The following GRK2 variants were observed in gnomAD, a reference collection of about 807,000 sequenced individuals.
GRK2 encodes the protein adrenergic beta receptor kinase 1.
In GRK2, 23 loss-of-function variants were observed where a neutral mutation model predicts 97.8. The observed-to-expected ratio is 0.24, with a 90% CI of 0.17 to 0.33. GRK2 has a LOEUF of 0.33. Among genes scored for constraint, GRK2 ranks in the 10% least tolerant of loss-of-function variants. GRK2 has a pLI of 1.00. For synonymous variants in GRK2, 425 were observed against 381.7 expected, an observed-to-expected ratio of 1.11 and a Z score of -1.32; for missense variants, 633 against 956.9, an observed-to-expected ratio of 0.66 and a Z score of 4.47.
intron 1 of GRK2, among the ~76,000 whole-genome samples, chr11:67,270,446 G>C (rs1185567331): frequency 2.0e-5 from 3 of 151,632 alleles, no homozygotes; most frequent in Non-Finnish European, 4.4e-5. Flanking sequence ...TGTCTCCCCA[G>C]ACCCTGCCCC....
Position 67,280,789 on chromosome 11 carries a change from T to C in GRK2, c.555+6T>C. The C allele has an allele frequency of 1.2e-6, 2 of 1,613,768 alleles. No homozygotes were observed. Among genetic ancestry groups the C allele is most frequent in the Non-Finnish European group, 1.7e-6 (2 of 1,179,906 alleles). On this transcript the variant is annotated splice_donor_region_variant and intron_variant, in intron 7 of 20. Transcript: ENST00000308595. ...ATGTGGAGCTCAACATCCACGTGAGTGGGCTTGGGTGGGGCATGGAAAGCC... is the reference window on the plus strand; with the variant it reads ...ATGTGGAGCTCAACATCCACGTGAGCGGGCTTGGGTGGGGCATGGAAAGCC...
rs771088820 is a variant in GRK2, at chr11:67,266,651, A to AGCGGAG, written c.-45_-44insAGGCGG. The AGCGGAG allele has an allele frequency of 2.4e-6, 2 of 837,278 alleles. No individual in the cohort carries two copies. Among genetic ancestry groups the AGCGGAG allele is most frequent in the African/African-American group, 3.9e-5 (2 of 50,926 alleles). The allele number at this position is 837,278 out of a possible 1,614,324, so 51.9% of individuals were successfully genotyped here. A position where few individuals can be genotyped will look rare whatever the true frequency, so the allele number is the denominator to read the frequency against. ...CCGGGCCGAGCGCCGAGCGAGCAGG[A>AGCGGAG]GCGGCGGCGGCGGCGGCGGCGGCGG... On this transcript the variant is annotated 5_prime_UTR_variant, in exon 1 of 21. Transcript: ENST00000308595.
chr11:67,284,558 G>A (rs892327696), intron 18 of GRK2, 185 bp downstream of exon 18: 13 of 752,530 alleles, frequency 1.7e-5, no homozygotes, highest in African/African-American at 5.3e-5. Flanking sequence ...GCCAAGGAGC[G>A]CAGATCACTT....
At position 67,282,468 on chromosome 11, in the gene GRK2, G is replaced by C; in HGVS notation, c.1086G>C (p.Leu362=). 6.2e-7 allele frequency: 1 copy of C among 1,613,734 alleles called. No homozygotes were observed. Residue 362 remains leucine, a synonymous_variant, in exon 13 of 21, where the codon CTG becomes CTC. Transcript: ENST00000308595. This position sits in a 1 kb window ranked among gnomAD's most constrained non-coding sequence, Gnocchi z 6.9. ...GTHGYMAPEV[L]QKGVAYDSSA... The stretch of plus-strand genomic sequence containing the variant: ...ACGGGTACATGGCTCCGGAGGTCCT[G>C]CAGAAGGGCGTGGCCTACGACAGCA...
chr11:67,285,061 C>T lies in GRK2; in HGVS notation c.1792-14C>T, dbSNP rs779385096. 7 of 1,612,816 alleles carry T rather than the reference C, an allele frequency of 4.3e-6. No homozygotes were observed. Among genetic ancestry groups the T allele is most frequent in the Non-Finnish European group, 5.9e-6 (7 of 1,179,842 alleles). On this transcript the variant is annotated splice_polypyrimidine_tract_variant and intron_variant, in intron 19 of 20. Transcript: ENST00000308595. ...CCCGGCTCTTACCTGCACCACCCAT[C>T]CCTGGCCCTGCAGCAGAGCCTGCTG...
chr11:67,267,071 G>A (rs1333835629), intron 1 of GRK2, among the ~76,000 whole-genome samples: 1 of 151,982 alleles, frequency 6.6e-6, no homozygotes, highest in African/African-American at 2.4e-5. Context: ...GACCCAGTCG[G>A]GTCCCCCTGG....
Position 67,285,340 on chromosome 11 carries a change from G to A in GRK2, c.1960G>A (p.Ala654Thr). The A allele has an allele frequency of 6.2e-7, 1 of 1,610,394 alleles. No homozygotes were observed. Among genetic ancestry groups the A allele is most frequent in the Non-Finnish European group, 8.5e-7 (1 of 1,179,388 alleles). ...KKELRDAYRE[A>T]QQLVQRVPKM... ...GGAGCTGCGCGACGCCTACCGCGAG[G>A]CCCAGCAGCTGGTGCAGCGGGTGCC... The change falls in exon 21 of 21, where the codon GCC becomes ACC. Residue 654 changes from alanine to threonine, a missense_variant. Ala to Thr is a moderately conservative substitution (Grantham distance 58, BLOSUM62 0). Transcript: ENST00000308595.
At chr11:67,268,626 C>T (rs1332547322) in intron 1 of GRK2, among the ~76,000 whole-genome samples, 8 of 152,160 alleles carry the variant, frequency 5.3e-5, no homozygotes, top group Admixed American at 1.3e-4. Context: ...GGTAATCTCC[C>T]CCCAGAATGC....
chr11:67,266,732 G>C lies in GRK2; in HGVS notation c.33G>C (p.Val11=). The C allele has an allele frequency of 7.4e-7, 1 of 1,348,378 alleles. No individual in the cohort carries two copies. The highest frequency in any genetic ancestry group is 9.6e-7 in the Non-Finnish European group (1 of 1,037,948). 83.5% of individuals were successfully genotyped at this position (1,348,378 alleles called of 1,614,324 possible). Residue 11 remains valine, a synonymous_variant, in exon 1 of 21, where the codon GTG becomes GTC. Transcript: ENST00000308595. ...ACCTGGAGGCGGTGCTGGCCGACGT[G>C]AGCTACCTGATGGCCATGGAGAAGA... MADLEAVLAD[V]SYLMAMEKSK...
chr11:67,270,310 G>T (rs907097401), intron 1 of GRK2, among the ~76,000 whole-genome samples: 1 of 152,140 alleles, frequency 6.6e-6, no homozygotes, highest in African/African-American at 2.4e-5. Context: ...CCTCCCCGGT[G>T]ACAGTGGCAG....
chr11:67,279,803 G>A lies in GRK2; in HGVS notation c.442-36G>A, dbSNP rs780690400. 1.9e-5 allele frequency: 30 copies of A among 1,613,478 alleles called. No individual in the cohort carries two copies. In the Admixed American group the frequency reaches 2.7e-4, roughly 14 times the overall value. ...GGGGCCTGGGCAACCACGGTCTCTC[G>A]GGGCTCAGTCACCAACTTCCAGCTT... is the stretch of plus-strand genomic sequence containing the variant. On this transcript the variant is annotated intron_variant, in intron 5 of 20. Transcript: ENST00000308595.
At chr11:67,270,523 G>A (rs1859884633) in intron 1 of GRK2, among the ~76,000 whole-genome samples, 1 of 152,158 alleles carries the variant, frequency 6.6e-6, no homozygotes, top group Admixed American at 6.5e-5. Context: ...GATTTGTGGG[G>A]GAAGGGGTGC....
intron 2 of GRK2, among the ~76,000 whole-genome samples, chr11:67,278,448 T>C (rs1404978164): frequency 6.6e-6 from 1 of 152,064 alleles, no homozygotes; most frequent in African/African-American, 2.4e-5. Flanking sequence ...CCACCTTGCC[T>C]CTCCAGTTCC....
At chr11:67,283,614 C>A in intron 15 of GRK2, 93 bp from the exon 16 acceptor site, 2 of 1,285,954 alleles carry the variant, frequency 1.6e-6, no homozygotes, top group South Asian at 1.2e-5. Flanking sequence ...AAGGAACTTG[C>A]CCAAGTTCAC....
At position 67,272,395 on chromosome 11, in the gene GRK2, G is replaced by A. The variant is rs112293935; in HGVS notation, c.114-4877G>A. On this transcript the variant is annotated intron_variant, in intron 1 of 20. Transcript: ENST00000308595. ...GCCAGCTTCCTTGCCATCAGCAAGA[G>A]TGTGTTTGTCTCTGACTTGTCACCC... is the stretch of plus-strand genomic sequence containing the variant. 5.6e-3 allele frequency among the ~76,000 whole-genome samples: 853 copies of A among 152,292 alleles called. 3 individuals carry two copies. The highest frequency in any genetic ancestry group is 0.02 in the African/African-American group (832 of 41,556).
At chr11:67,268,486 G>A (rs1859842797) in intron 1 of GRK2, among the ~76,000 whole-genome samples, 1 of 152,198 alleles carries the variant, frequency 6.6e-6, no homozygotes, top group African/African-American at 2.4e-5. Context: ...AACCCACGAG[G>A]GAGGAAACGG....
chr11:67,279,796 GTC>G (rs745847288), intron 5 of GRK2, 41 bp from the exon 6 acceptor site: 2 of 1,613,352 alleles, frequency 1.2e-6, no homozygotes, highest in South Asian at 1.1e-5. Context: ...GGCAACCACG[GTC>G]TCTCGGGGCT....
intron 1 of GRK2, 152 bp downstream of exon 1, chr11:67,266,964 C>T (rs1859815407): frequency 9.8e-6 from 3 of 307,030 alleles, no homozygotes; most frequent in East Asian, 5.4e-5. Context: ...AGCAGCCCGG[C>T]CTTGGCGCCT....
intron 1 of GRK2, among the ~76,000 whole-genome samples, chr11:67,275,474 A>T: frequency 1.1e-5 from 1 of 95,112 alleles, no homozygotes; most frequent in Non-Finnish European, 2.2e-5. Context: ...TCTCCCACCC[A>T]CCCCCTTCCC....
Sources: allele counts gnomAD v4.1 joint callset (sites outside exome capture counted in the v4.1 genomes callset), GRCh38; gene constraint gnomAD v4.1.1; non-coding constraint Gnocchi (gnomAD v3.1); transcripts MANE v1.5; gene names NCBI Gene and HGNC (gene_info 2026-07-23, HGNC 2026-07-21).